Variants in LRRC4C observed in about 807,000 individuals in gnomAD.
The protein encoded by LRRC4C is leucine-rich repeat-containing protein 4C.
LRRC4C carries 5 observed loss-of-function variants against 33.6 expected under a neutral mutation model. The ratio of observed to expected loss-of-function variants is 0.15; its 90% CI spans 0.08 to 0.31. LRRC4C has a LOEUF of 0.31. Among genes scored for constraint, LRRC4C ranks in the 10% least tolerant of loss-of-function variants. The pLI, the probability that LRRC4C is intolerant of heterozygous loss-of-function variation, is 1.00. For synonymous variants in LRRC4C, 329 were observed against 302.0 expected (o/e 1.09, Z -0.93); for missense variants, 560 against 796.7 (o/e 0.70, Z 3.58).
chr11:40,663,271 TG>T (rs1943543953), intron 2 of LRRC4C, among the ~76,000 whole-genome samples: 2 of 152,160 alleles, frequency 1.3e-5, no homozygotes, highest in African/African-American at 4.8e-5. Flanking sequence ...TTAGTAGAGA[TG>T]GGGTTTCGCC....
At chr11:40,659,779 G>A (rs969141037) in intron 2 of LRRC4C, among the ~76,000 whole-genome samples, 1 of 152,210 alleles carries the variant, frequency 6.6e-6, no homozygotes, top group African/African-American at 2.4e-5. Flanking sequence ...GCAGAAACAA[G>A]CTATGCACTT....
intron 3 of LRRC4C, among the ~76,000 whole-genome samples, chr11:40,580,578 C>T (rs1205963758): frequency 6.6e-6 from 1 of 151,972 alleles, no homozygotes; most frequent in Non-Finnish European, 1.5e-5. Flanking sequence ...ATATCTATAA[C>T]CCAAAATAAG....
intron 2 of LRRC4C, among the ~76,000 whole-genome samples, chr11:40,896,209 A>C (rs1010121766): frequency 1.3e-5 from 2 of 152,208 alleles, no homozygotes; most frequent in African/African-American, 4.8e-5. Flanking sequence ...CCAGCTCAGC[A>C]TAGACCATAC....
chr11:41,411,339 G>A (rs1160303949), intron 1 of LRRC4C, among the ~76,000 whole-genome samples: 2 of 150,782 alleles, frequency 1.3e-5, no homozygotes, highest in African/African-American at 2.4e-5. Context: ...TAGTGGAGAC[G>A]GGGTTTCACC....
chr11:41,281,598 G>A (rs540304770), intron 1 of LRRC4C, among the ~76,000 whole-genome samples: 264 of 152,324 alleles, frequency 1.7e-3, no homozygotes, highest in African/African-American at 5.9e-3. Context: ...TCTCCAACCT[G>A]CTACACATCA....
At chr11:40,617,483 A>G (rs558217330) in intron 3 of LRRC4C, among the ~76,000 whole-genome samples, 2 of 151,744 alleles carry the variant, frequency 1.3e-5, no homozygotes, top group South Asian at 2.1e-4. Context: ...ATTGAATTAA[A>G]TGGGTTTGGG....
intron 2 of LRRC4C, among the ~76,000 whole-genome samples, chr11:40,810,101 A>G (rs1305279530): frequency 6.6e-6 from 1 of 152,016 alleles, no homozygotes; most frequent in Non-Finnish European, 1.5e-5. Flanking sequence ...TTTTTTTATT[A>G]GACTTTGTAT....
Position 40,990,231 on chromosome 11 carries a change from TTATATATATATATATATATATATATATA to T in LRRC4C, c.-495-56536_-495-56509del, listed in dbSNP as rs761772952. 1.4e-4 allele frequency among the ~76,000 whole-genome samples: 11 copies of T among 78,244 alleles called. No homozygotes were observed. In the Admixed American group the frequency reaches 1.5e-3, roughly 11 times the overall value. The allele number at this position is 78,244 out of a possible 152,430, so 51.3% of individuals were successfully genotyped here. ...AAATATTTGAATAGTATGTCAAGTTTTATATATATATATATATATATATATATATATATATATATATATGAATATATGA... is the reference window on the plus strand; with the variant it reads ...AAATATTTGAATAGTATGTCAAGTTTTATATATATATATATGAATATATGA... On this transcript the variant is annotated intron_variant, in intron 1 of 6. Transcript: ENST00000528697.
intron 2 of LRRC4C, among the ~76,000 whole-genome samples, chr11:40,902,078 T>C (rs1026722911): frequency 8.6e-5 from 13 of 151,760 alleles, no homozygotes; most frequent in South Asian, 8.3e-4. Context: ...TTTATTGCAT[T>C]TTATAGATAT....
At chr11:41,343,857 A>G (rs902638133) in intron 1 of LRRC4C, among the ~76,000 whole-genome samples, 15 of 152,240 alleles carry the variant, frequency 9.9e-5, no homozygotes, top group Admixed American at 5.9e-4. Flanking sequence ...CCAATTAGAT[A>G]ATAAATTTTG....
At chr11:41,119,860 T>C (rs1346742276) in intron 1 of LRRC4C, among the ~76,000 whole-genome samples, 10 of 152,182 alleles carry the variant, frequency 6.6e-5, no homozygotes, top group Admixed American at 5.9e-4. Flanking sequence ...AGGACATTAG[T>C]TTCAATTTTG....
intron 1 of LRRC4C, among the ~76,000 whole-genome samples, chr11:41,143,273 T>C (rs1943590548): frequency 6.6e-6 from 1 of 151,950 alleles, no homozygotes. Context: ...ACAACATGAA[T>C]ACATTCTTTT....
At chr11:40,383,655 C>A (rs1948983081) in intron 3 of LRRC4C, among the ~76,000 whole-genome samples, 1 of 151,958 alleles carries the variant, frequency 6.6e-6, no homozygotes, top group African/African-American at 2.4e-5. Flanking sequence ...TGTATACCTT[C>A]TTTTTAGAAA....
At chr11:40,739,426 G>A (rs1034223996) in intron 2 of LRRC4C, among the ~76,000 whole-genome samples, 1 of 151,528 alleles carries the variant, frequency 6.6e-6, no homozygotes, top group Non-Finnish European at 1.5e-5. Context: ...TCCATTCTCT[G>A]TGTGTGTGTG....
chr11:41,148,228 G>A (rs142543857), intron 1 of LRRC4C, among the ~76,000 whole-genome samples: 21 of 151,988 alleles, frequency 1.4e-4, no homozygotes, highest in African/African-American at 4.8e-4. Flanking sequence ...TGTTAGCAAG[G>A]ATGATCTCGA....
chr11:41,303,110 TCCCTC>T, intron 1 of LRRC4C, among the ~76,000 whole-genome samples: 1 of 105,136 alleles, frequency 9.5e-6, no homozygotes, highest in African/African-American at 3.1e-5. Flanking sequence ...CCTCTCCCTC[TCCCTC>T]TCCCTCACCC....
At chr11:40,618,410 C>T (rs1962084694) in intron 3 of LRRC4C, among the ~76,000 whole-genome samples, 1 of 151,544 alleles carries the variant, frequency 6.6e-6, no homozygotes, top group South Asian at 2.1e-4. Context: ...CTATAATGAA[C>T]CAATGGCACT....
intron 3 of LRRC4C, among the ~76,000 whole-genome samples, chr11:40,581,281 G>A (rs1958452994): frequency 6.6e-6 from 1 of 152,204 alleles, no homozygotes; most frequent in Middle Eastern, 3.2e-3. Flanking sequence ...AACTGGAGTT[G>A]TCTTTTGTAA....
rs12289866 is a variant in LRRC4C, at chr11:40,514,406, A to T, written c.-270+133736T>A. On this transcript the variant is annotated intron_variant, in intron 3 of 6. Coordinates refer to ENST00000528697, the MANE Select transcript of LRRC4C (RefSeq NM_001258419.2). The stretch of plus-strand genomic sequence containing the variant: ...TTTATTAGCTCTATGGCCTTGAGCA[A>T]GTTATTTGCTGTGTTGAAGCATTTT... 6.7e-3 allele frequency among the ~76,000 whole-genome samples: 1,018 copies of T among 152,260 alleles called. 17 individuals carry two copies. The highest frequency in any genetic ancestry group is 0.023 in the African/African-American group (976 of 41,556).
Sources: allele counts gnomAD v4.1 joint callset (sites outside exome capture counted in the v4.1 genomes callset), GRCh38; gene constraint gnomAD v4.1.1; transcripts MANE v1.5; gene names NCBI Gene and HGNC (gene_info 2026-07-23, HGNC 2026-07-21).